Variants in LYPD6 observed in about 807,000 individuals in gnomAD.
LYPD6 encodes LY6/PLAUR domain containing 6, also known as ly6/PLAUR domain-containing protein 6.
A neutral mutation model predicts 22.7 loss-of-function variants in LYPD6; 15 were observed. That is an observed-to-expected ratio of 0.66 (90% CI 0.44 to 1.02). The LOEUF is 1.02. Among genes scored for constraint, LYPD6 ranks in the 50% least tolerant of loss-of-function variants. The pLI is 0.00. For missense variants in LYPD6, 189 were observed against 208.4 expected, an observed-to-expected ratio of 0.91 and a Z score of 0.57; for synonymous variants, 72 against 77.5, an observed-to-expected ratio of 0.93 and a Z score of 0.37.
intron 1 of LYPD6, among the ~76,000 whole-genome samples, chr2:149,385,938 TG>T (rs778633596): frequency 6.6e-6 from 1 of 152,168 alleles, no homozygotes; most frequent in Non-Finnish European, 1.5e-5. Context: ...CACTTGGGTC[TG>T]GAACACTGCT....
At chr2:149,446,502 G>A (rs1046830144) in intron 2 of LYPD6, among the ~76,000 whole-genome samples, 2 of 152,134 alleles carry the variant, frequency 1.3e-5, no homozygotes, top group Non-Finnish European at 2.9e-5. Context: ...GGTGGGTAAT[G>A]TGAAGGTATA....
intron 1 of LYPD6, among the ~76,000 whole-genome samples, chr2:149,408,387 G>T (rs1401402369): frequency 1.3e-5 from 2 of 152,174 alleles, no homozygotes; most frequent in African/African-American, 4.8e-5. Flanking sequence ...TATGTGCTTA[G>T]GCAATGATCT....
chr2:149,467,247 C>T (rs1423557718), intron 3 of LYPD6, among the ~76,000 whole-genome samples: 1 of 152,194 alleles, frequency 6.6e-6, no homozygotes, highest in Non-Finnish European at 1.5e-5. Context: ...AAGCTTCAGC[C>T]CAATCCAACT....
chr2:149,347,216 G>A (rs1206831887), intron 1 of LYPD6, among the ~76,000 whole-genome samples: 1 of 151,996 alleles, frequency 6.6e-6, no homozygotes, highest in Non-Finnish European at 1.5e-5. Context: ...AGAGAGAGAA[G>A]CAAGTTCTTC....
At position 149,344,593 on chromosome 2, in the gene LYPD6, C is replaced by T. The variant is rs770337941; in HGVS notation, c.-72+13871C>T. Among the ~76,000 whole-genome samples, 5 of 152,142 alleles carry T rather than the reference C, an allele frequency of 3.3e-5. No individual in the cohort carries two copies. The South Asian group carries it at 6.2e-4, about 19-fold the overall frequency. On this transcript the variant is annotated intron_variant, in intron 1 of 4. Transcript: ENST00000334166. Reference sequence around the variant, plus strand: ...GAATACTGAATATATAGAAAATGTGCGCTATTCTTCCCTTCATCTTTAGAA... The same window carrying T: ...GAATACTGAATATATAGAAAATGTGTGCTATTCTTCCCTTCATCTTTAGAA...
intron 1 of LYPD6, among the ~76,000 whole-genome samples, chr2:149,407,109 G>T (rs1485885176): frequency 1.3e-5 from 2 of 152,186 alleles, no homozygotes; most frequent in African/African-American, 2.4e-5. Context: ...TCCACTGTTA[G>T]TCTGATGGGC....
intron 1 of LYPD6, among the ~76,000 whole-genome samples, chr2:149,411,318 T>A (rs1281395141): frequency 6.6e-6 from 1 of 152,066 alleles, no homozygotes; most frequent in Non-Finnish European, 1.5e-5. Flanking sequence ...TTTTTTTTTA[T>A]AAACAGGTAT....
intron 2 of LYPD6, among the ~76,000 whole-genome samples, chr2:149,442,889 AG>A: frequency 6.6e-6 from 1 of 152,192 alleles, no homozygotes; most frequent in Non-Finnish European, 1.5e-5. Flanking sequence ...GGTTCCTACA[AG>A]CAAATATTAA....
At chr2:149,408,060 C>T (rs138020461) in intron 1 of LYPD6, among the ~76,000 whole-genome samples, 2 of 152,148 alleles carry the variant, frequency 1.3e-5, no homozygotes, top group Non-Finnish European at 2.9e-5. Flanking sequence ...TTTTCGTGAT[C>T]TGCGAATGCT....
chr2:149,383,221 C>T (rs1369195133), intron 1 of LYPD6, among the ~76,000 whole-genome samples: 8 of 152,144 alleles, frequency 5.3e-5, no homozygotes, highest in Non-Finnish European at 8.8e-5. Flanking sequence ...TTTTCTATGC[C>T]GGTTGACTAA....
intron 1 of LYPD6, among the ~76,000 whole-genome samples, chr2:149,355,247 G>A (rs971973807): frequency 2.0e-5 from 3 of 152,132 alleles, no homozygotes; most frequent in African/African-American, 7.2e-5. Flanking sequence ...GCTAGTGTCA[G>A]TAGAAGAATA....
At chr2:149,345,918 G>A (rs1362236382) in intron 1 of LYPD6, among the ~76,000 whole-genome samples, 7 of 151,974 alleles carry the variant, frequency 4.6e-5, no homozygotes, top group Admixed American at 2.0e-4. Flanking sequence ...AAACTGCACC[G>A]TGCTCCAGTT....
At chr2:149,397,478 A>G (rs1040642365) in intron 1 of LYPD6, among the ~76,000 whole-genome samples, 1 of 152,158 alleles carries the variant, frequency 6.6e-6, no homozygotes, top group Non-Finnish European at 1.5e-5. Context: ...ACCACATTCT[A>G]TGAGGTGGAA....
chr2:149,350,543 A>G (rs532948915), intron 1 of LYPD6, among the ~76,000 whole-genome samples: 2 of 152,134 alleles, frequency 1.3e-5, no homozygotes, highest in Admixed American at 6.5e-5. Context: ...AAAGGGGTTT[A>G]TAAAGAAACC....
At chr2:149,374,532 T>G (rs1681875167) in intron 1 of LYPD6, among the ~76,000 whole-genome samples, 1 of 152,192 alleles carries the variant, frequency 6.6e-6, no homozygotes, top group Non-Finnish European at 1.5e-5. Flanking sequence ...GATATTGTGT[T>G]GAATAAAGTT....
chr2:149,349,729 A>G (rs1236062014), intron 1 of LYPD6, among the ~76,000 whole-genome samples: 1 of 152,178 alleles, frequency 6.6e-6, no homozygotes, highest in Non-Finnish European at 1.5e-5. Flanking sequence ...TGAAACTGAC[A>G]TGTGGGGAAT....
At chr2:149,461,408 A>G (rs1180510337) in intron 3 of LYPD6, among the ~76,000 whole-genome samples, 3 of 151,940 alleles carry the variant, frequency 2.0e-5, no homozygotes, top group Non-Finnish European at 2.9e-5. Flanking sequence ...AAACACTCAT[A>G]AAAGAACTCT....
intron 1 of LYPD6, among the ~76,000 whole-genome samples, chr2:149,358,521 C>A (rs962442880): frequency 6.6e-6 from 1 of 152,052 alleles, no homozygotes; most frequent in African/African-American, 2.4e-5. Context: ...TGAATCAAGT[C>A]CTAGAGCATA....
chr2:149,384,735 T>C (rs1200303739), intron 1 of LYPD6, among the ~76,000 whole-genome samples: 2 of 152,140 alleles, frequency 1.3e-5, no homozygotes, highest in African/African-American at 2.4e-5. Flanking sequence ...TTTTTTATTT[T>C]ATTATTATTA....
Sources: allele counts gnomAD v4.1 joint callset (sites outside exome capture counted in the v4.1 genomes callset), GRCh38; gene constraint gnomAD v4.1.1; transcripts MANE v1.5; gene names NCBI Gene and HGNC (gene_info 2026-07-23, HGNC 2026-07-21).